AFAP1: variants seen among roughly 807,000 people sequenced by gnomAD.
AFAP1 encodes actin filament-associated protein 1.
In AFAP1, 75 loss-of-function variants were observed where a neutral mutation model predicts 93.9. That is an observed-to-expected ratio of 0.80 (90% CI 0.66 to 0.97). The LOEUF is 0.97. Among genes scored for constraint, AFAP1 ranks in the 50% least tolerant of loss-of-function variants. The pLI is 0.00. For missense variants in AFAP1, 1,201 were observed against 1,050.8 expected (o/e 1.14, Z -1.98); for synonymous variants, 517 against 430.7 (o/e 1.20, Z -2.48).
intron 10 of AFAP1, 130 bp downstream of exon 10, chr4:7,800,312 G>A (rs1292777951): frequency 1.1e-6 from 1 of 909,206 alleles, no homozygotes. Flanking sequence ...AGAGAAAAGA[G>A]GGTGGGCCCA....
At chr4:7,909,581 G>A (rs919637362) in intron 1 of AFAP1, among the ~76,000 whole-genome samples, 7 of 152,228 alleles carry the variant, frequency 4.6e-5, no homozygotes, top group African/African-American at 1.4e-4. Flanking sequence ...GGTAGTAACA[G>A]GATGTGGCAT....
chr4:7,763,580 G>T lies in AFAP1; in HGVS notation c.*185C>A. 1 of 582,002 alleles carries T rather than the reference G, an allele frequency of 1.7e-6. No homozygotes were observed. The allele number at this position is 582,002 out of a possible 1,614,324, so 36.1% of individuals were successfully genotyped here. On this transcript the variant is annotated 3_prime_UTR_variant, in exon 18 of 18. Transcript: ENST00000420658. The stretch of plus-strand genomic sequence containing the variant: ...AAAGTCTTACATCTTTTTTAAAGGC[G>T]CCATTTTACAGTAGAAAGAATACAA...
intron 8 of AFAP1, among the ~76,000 whole-genome samples, chr4:7,812,185 G>C (rs566763830): frequency 6.6e-6 from 1 of 152,090 alleles, no homozygotes; most frequent in Admixed American, 6.5e-5. Context: ...CACCACAGCC[G>C]CATTCCCGTG....
At chr4:7,903,869 G>A (rs534644014) in intron 1 of AFAP1, among the ~76,000 whole-genome samples, 2 of 152,030 alleles carry the variant, frequency 1.3e-5, no homozygotes, top group African/African-American at 2.4e-5. Flanking sequence ...AGATGGCTTC[G>A]GGTTTCAGAT....
chr4:7,915,373 G>A (rs1720032594), intron 1 of AFAP1, among the ~76,000 whole-genome samples: 1 of 143,602 alleles, frequency 7.0e-6, no homozygotes, highest in Admixed American at 7.1e-5. Flanking sequence ...CGTCTGTTCG[G>A]TTGGGTGTGG....
intron 5 of AFAP1, among the ~76,000 whole-genome samples, chr4:7,840,200 G>A (rs2149108965): frequency 6.6e-6 from 1 of 152,166 alleles, no homozygotes; most frequent in East Asian, 1.9e-4. Context: ...GATGTAGGAA[G>A]GAATGAATAG....
chr4:7,938,111 C>A (rs1313587002), intron 1 of AFAP1, among the ~76,000 whole-genome samples: 1 of 152,136 alleles, frequency 6.6e-6, no homozygotes, highest in African/African-American at 2.4e-5. Flanking sequence ...AGGGAGCCAC[C>A]TCAACAGAGT....
intron 7 of AFAP1, among the ~76,000 whole-genome samples, chr4:7,817,202 T>C (rs1199873899): frequency 6.6e-6 from 1 of 152,204 alleles, no homozygotes; most frequent in Non-Finnish European, 1.5e-5. Context: ...GTCTATCCTT[T>C]GGTCTAGTAA....
intron 17 of AFAP1, among the ~76,000 whole-genome samples, chr4:7,764,486 T>C (rs909061085): frequency 6.6e-6 from 1 of 152,256 alleles, no homozygotes; most frequent in Admixed American, 6.5e-5. Context: ...CGGCGATGGC[T>C]GTGCAACAAT....
At chr4:7,891,010 C>T (rs116988383) in intron 1 of AFAP1, among the ~76,000 whole-genome samples, 2 of 151,824 alleles carry the variant, frequency 1.3e-5, no homozygotes, top group East Asian at 3.9e-4. Flanking sequence ...CCTAAGCAGC[C>T]ACTAATAAGC....
chr4:7,889,256 T>C (rs1208311510), intron 1 of AFAP1, among the ~76,000 whole-genome samples: 1 of 152,112 alleles, frequency 6.6e-6, no homozygotes, highest in Non-Finnish European at 1.5e-5. Flanking sequence ...ACAGGGGGGT[T>C]GTTTTCTAGT....
chr4:7,878,046 G>A (rs928527568), intron 1 of AFAP1, among the ~76,000 whole-genome samples: 8 of 152,162 alleles, frequency 5.3e-5, no homozygotes, highest in East Asian at 1.9e-4. Flanking sequence ...TGGGCATGGC[G>A]TACCAAAATC....
intron 6 of AFAP1, among the ~76,000 whole-genome samples, chr4:7,824,817 TGGTGAGGAACTGGTGAA>T (rs1305760125): frequency 1.3e-5 from 2 of 151,970 alleles, no homozygotes; most frequent in Admixed American, 1.3e-4. Context: ...GGAGGAAGGA[TGGTGAGGAACTGGTGAA>T]GGGTACAGTG....
At chr4:7,857,093 A>T (rs960479954) in intron 3 of AFAP1, among the ~76,000 whole-genome samples, 1 of 152,162 alleles carries the variant, frequency 6.6e-6, no homozygotes, top group Non-Finnish European at 1.5e-5. Flanking sequence ...AATAGCATGC[A>T]ACAATTTCCC....
At chr4:7,799,971 A>G (rs557750810) in intron 10 of AFAP1, among the ~76,000 whole-genome samples, 2 of 152,298 alleles carry the variant, frequency 1.3e-5, no homozygotes, top group East Asian at 1.9e-4. Context: ...AGGCATTCAG[A>G]TGGCCCCAAA....
At chr4:7,791,622 T>A (rs1717860548) in intron 11 of AFAP1, among the ~76,000 whole-genome samples, 1 of 151,428 alleles carries the variant, frequency 6.6e-6, no homozygotes, top group South Asian at 2.1e-4. Context: ...GACAGGAAGA[T>A]CACTTGAACC....
rs1718939646 is a variant in AFAP1, at chr4:7,800,659, G to A, written c.1055-6C>T. 1.3e-5 allele frequency: 21 copies of A among 1,614,050 alleles called. No individual in the cohort carries two copies. The highest frequency in any genetic ancestry group is 1.8e-5 in the Non-Finnish European group (21 of 1,180,030). On this transcript the variant is annotated splice_region_variant and splice_polypyrimidine_tract_variant and intron_variant, in intron 9 of 17. Coordinates refer to ENST00000420658, the MANE Select transcript of AFAP1 (RefSeq NM_001134647.2). ...GGAGAGCACGTTCAGATAGCCTGCG[G>A]AGACACAAGGCCACAGGTCAGCCGC...
intron 1 of AFAP1, among the ~76,000 whole-genome samples, chr4:7,936,457 T>C (rs1390081274): frequency 6.6e-6 from 1 of 151,932 alleles, no homozygotes; most frequent in African/African-American, 2.4e-5. Context: ...CCCAAAGTGC[T>C]GGCATTACAG....
intron 16 of AFAP1, among the ~76,000 whole-genome samples, chr4:7,770,892 T>A (rs1047400957): frequency 2.6e-5 from 4 of 152,174 alleles, no homozygotes; most frequent in Admixed American, 2.0e-4. Context: ...CAGGGCTCCA[T>A]GAAGCAAGGG....
Sources: gnomAD v4.1 joint callset for allele counts (sites outside exome capture counted in the v4.1 genomes callset) on GRCh38, gnomAD v4.1.1 for gene constraint, MANE v1.5 for transcripts, NCBI Gene and HGNC (gene_info 2026-07-23, HGNC 2026-07-21) for gene names.